BMPER: variants seen among roughly 807,000 people sequenced by gnomAD.
The protein encoded by BMPER is BMP binding endothelial regulator.
BMPER carries 45 observed loss-of-function variants against 87.3 expected under a neutral mutation model. The observed-to-expected ratio is 0.52, with a 90% CI of 0.41 to 0.66. BMPER has a LOEUF of 0.66. Ranked by LOEUF, BMPER falls within the 30% of genes least tolerant of loss-of-function variation. The pLI is 0.00. For missense variants in BMPER, 784 were observed against 867.5 expected, an observed-to-expected ratio of 0.90 and a Z score of 1.21; for synonymous variants, 326 against 316.2, an observed-to-expected ratio of 1.03 and a Z score of -0.33.
At chr7:33,999,546 C>T (rs1786521590) in intron 6 of BMPER, among the ~76,000 whole-genome samples, 1 of 152,238 alleles carries the variant, frequency 6.6e-6, no homozygotes, top group African/African-American at 2.4e-5. Context: ...TTGACCACAA[C>T]TTCTGAATTT....
intron 8 of BMPER, 132 bp downstream of exon 8, chr7:34,052,102 G>T: frequency 1.2e-6 from 1 of 848,578 alleles, no homozygotes; most frequent in Non-Finnish European, 2.0e-6. Flanking sequence ...ATTTTACAAG[G>T]AAAATCATAC....
intron 13 of BMPER, among the ~76,000 whole-genome samples, chr7:34,137,131 A>C (rs1790739815): frequency 6.6e-6 from 1 of 152,242 alleles, no homozygotes; most frequent in Non-Finnish European, 1.5e-5. Flanking sequence ...TATGTGCTTT[A>C]TTGAAAATGT....
chr7:34,030,947 C>T (rs1029400208), intron 6 of BMPER, among the ~76,000 whole-genome samples: 3 of 151,990 alleles, frequency 2.0e-5, no homozygotes, highest in African/African-American at 7.3e-5. Context: ...ATCTGAGCTA[C>T]TTGTGTCTCT....
chr7:33,925,942 G>A (rs1293114203), intron 2 of BMPER, among the ~76,000 whole-genome samples: 1 of 152,222 alleles, frequency 6.6e-6, no homozygotes, highest in African/African-American at 2.4e-5. Context: ...ATGATTTCAA[G>A]GAGTTTGTGG....
intron 8 of BMPER, 92 bp from the exon 9 acceptor site, chr7:34,055,071 A>G (rs928173310): frequency 6.4e-7 from 1 of 1,550,780 alleles, no homozygotes; most frequent in Admixed American, 1.7e-5. Flanking sequence ...ACTTTGACAC[A>G]GATAGTTATG....
At chr7:34,138,082 T>A (rs1790767146) in intron 13 of BMPER, among the ~76,000 whole-genome samples, 1 of 152,204 alleles carries the variant, frequency 6.6e-6, no homozygotes, top group African/African-American at 2.4e-5. Context: ...CCATTGAACA[T>A]TTGAAATGTG....
intron 6 of BMPER, among the ~76,000 whole-genome samples, chr7:34,029,691 A>G (rs983134227): frequency 2.0e-5 from 3 of 152,040 alleles, no homozygotes; most frequent in African/African-American, 7.2e-5. Context: ...CAAATGTATC[A>G]CTTTTTTAAG....
At chr7:34,116,111 T>C (rs1010274205) in intron 13 of BMPER, among the ~76,000 whole-genome samples, 1 of 152,244 alleles carries the variant, frequency 6.6e-6, no homozygotes, top group Non-Finnish European at 1.5e-5. Context: ...CATTTAAACA[T>C]AATAAATAAC....
In BMPER at chr7:34,046,309, G is replaced by A. The variant is rs74734392; in HGVS notation, c.580G>A (p.Gly194Ser). The A allele has an allele frequency of 7.4e-3, 11,945 of 1,613,294 alleles. 508 individuals carry two copies. The East Asian group carries it at 0.13, about 18-fold the overall frequency. ...TTTTTTTTCTCTCTTTTCTTAGGGA[G>A]GCAGGACACAATGTGTGAGAGAAGT... is the stretch of plus-strand genomic sequence containing the variant. ...SKCTKCSCTG[G>S]RTQCVREVCP... Residue 194 changes from glycine to serine, a missense_variant, in exon 7 of 15, where the codon GGC (glycine) becomes AGC (serine). Physicochemically the swap from Gly to Ser is moderately conservative, Grantham distance 56 (BLOSUM62 0). Coordinates refer to ENST00000649409, the MANE Select transcript of BMPER (RefSeq NM_001365308.1).
At chr7:33,939,662 A>G (rs1313570067) in intron 3 of BMPER, among the ~76,000 whole-genome samples, 1 of 152,172 alleles carries the variant, frequency 6.6e-6, no homozygotes, top group Non-Finnish European at 1.5e-5. Flanking sequence ...TGATGGTTTT[A>G]TAAGGGGCTC....
chr7:34,087,202 G>T (rs1789239395), intron 13 of BMPER, among the ~76,000 whole-genome samples: 1 of 152,188 alleles, frequency 6.6e-6, no homozygotes, highest in Non-Finnish European at 1.5e-5. Flanking sequence ...CGAGTCATGG[G>T]TTTAGCTCCT....
intron 6 of BMPER, among the ~76,000 whole-genome samples, chr7:33,996,610 AC>A (rs1478199783): frequency 9.2e-5 from 14 of 152,186 alleles, no homozygotes; most frequent in Non-Finnish European, 2.1e-4. Flanking sequence ...GGGAAGGTCT[AC>A]CACCATTCTA....
At chr7:33,961,268 G>T (rs1277404552) in intron 3 of BMPER, among the ~76,000 whole-genome samples, 1 of 152,164 alleles carries the variant, frequency 6.6e-6, no homozygotes, top group Admixed American at 6.6e-5. Context: ...TACAGTAAAG[G>T]TTTATGGTTT....
At chr7:33,939,286 T>C (rs933307330) in intron 3 of BMPER, among the ~76,000 whole-genome samples, 19 of 152,166 alleles carry the variant, frequency 1.2e-4, no homozygotes, top group Admixed American at 2.6e-4. Flanking sequence ...CCTCCTCTTA[T>C]CTTAATCTTT....
At chr7:34,028,436 C>T (rs1787417608) in intron 6 of BMPER, among the ~76,000 whole-genome samples, 1 of 151,648 alleles carries the variant, frequency 6.6e-6, no homozygotes, top group African/African-American at 2.4e-5. Flanking sequence ...AGATATAACT[C>T]AAGTCAACCA....
At chr7:33,987,191 C>T (rs535847860) in intron 6 of BMPER, among the ~76,000 whole-genome samples, 1 of 152,270 alleles carries the variant, frequency 6.6e-6, no homozygotes, top group Non-Finnish European at 1.5e-5. Flanking sequence ...CACATTCTGG[C>T]ACCTTTTAAA....
intron 11 of BMPER, among the ~76,000 whole-genome samples, chr7:34,076,935 G>A (rs772425554): frequency 6.6e-6 from 1 of 152,122 alleles, no homozygotes; most frequent in South Asian, 2.1e-4. Flanking sequence ...GCTCAAAAAC[G>A]TTGGTTGGTC....
chr7:34,115,636 A>G (rs1011948511), intron 13 of BMPER, among the ~76,000 whole-genome samples: 18 of 152,226 alleles, frequency 1.2e-4, no homozygotes, highest in Admixed American at 6.5e-5. Context: ...CATGTGTTCA[A>G]GGTTCATCCA....
intron 6 of BMPER, among the ~76,000 whole-genome samples, chr7:34,030,180 G>A (rs982038098): frequency 6.6e-6 from 1 of 151,774 alleles, no homozygotes; most frequent in African/African-American, 2.4e-5. Flanking sequence ...AAGGTTTTGG[G>A]GCATACGATC....
Sources: allele counts gnomAD v4.1 joint callset (sites outside exome capture counted in the v4.1 genomes callset), GRCh38; gene constraint gnomAD v4.1.1; transcripts MANE v1.5; gene names NCBI Gene and HGNC (gene_info 2026-07-23, HGNC 2026-07-21).